The following SUGCT variants were observed in gnomAD, a reference collection of about 807,000 sequenced individuals.
SUGCT encodes the protein succinyl-CoA:glutarate-CoA transferase.
A neutral mutation model predicts 55.0 loss-of-function variants in SUGCT; 41 were observed. The observed-to-expected ratio is 0.74, with a 90% CI of 0.58 to 0.97. The LOEUF (loss-of-function observed/expected upper bound fraction) is 0.97. Among genes scored for constraint, SUGCT ranks in the 50% least tolerant of loss-of-function variants. SUGCT has a pLI of 0.00. For synonymous variants in SUGCT, 187 were observed against 200.4 expected, an observed-to-expected ratio of 0.93 and a Z score of 0.56; for missense variants, 568 against 547.8, an observed-to-expected ratio of 1.04 and a Z score of -0.37.
chr7:40,713,907 A>C (rs1190595614), intron 12 of SUGCT, among the ~76,000 whole-genome samples: 1 of 152,254 alleles, frequency 6.6e-6, no homozygotes, highest in Non-Finnish European at 1.5e-5. Context: ...TAACCACATT[A>C]GGGGACATCA....
At chr7:40,444,590 C>T (rs1401070348) in intron 9 of SUGCT, among the ~76,000 whole-genome samples, 1 of 152,146 alleles carries the variant, frequency 6.6e-6, no homozygotes, top group Non-Finnish European at 1.5e-5. Flanking sequence ...TGAGACTTTA[C>T]TGAAGTTTCT....
chr7:40,174,977 A>G (rs1313738999), intron 1 of SUGCT, among the ~76,000 whole-genome samples: 1 of 152,128 alleles, frequency 6.6e-6, no homozygotes, highest in Non-Finnish European at 1.5e-5. Context: ...TTGTGATAAT[A>G]TTCATCTTTT....
intron 12 of SUGCT, among the ~76,000 whole-genome samples, chr7:40,624,395 A>G (rs1799418042): frequency 6.6e-6 from 1 of 152,250 alleles, no homozygotes; most frequent in South Asian, 2.1e-4. Flanking sequence ...ACTCTGTGCT[A>G]GTCCTTTTTA....
At chr7:40,958,887 C>T in the SUGCT span, among the ~76,000 whole-genome samples, 32 of 152,198 alleles carry the variant, frequency 2.1e-4, no homozygotes, top group African/African-American at 7.2e-4. Context: ...GCTATTGCTT[C>T]CTGTTTGTTA....
intron 10 of SUGCT, among the ~76,000 whole-genome samples, chr7:40,452,976 G>C (rs1167392827): frequency 6.6e-6 from 1 of 152,162 alleles, no homozygotes; most frequent in Non-Finnish European, 1.5e-5. Flanking sequence ...AACTTAACCA[G>C]CTTTTCCCTC....
chr7:40,361,579 G>GA lies in SUGCT; in HGVS notation c.816+44732dup, dbSNP rs200600989. 8.9e-3 allele frequency among the ~76,000 whole-genome samples: 1,278 copies of GA among 143,912 alleles called. 10 individuals carry two copies. Among genetic ancestry groups the GA allele is most frequent in the Non-Finnish European group, 0.01 (655 of 64,638 alleles). The allele number at this position is 143,912 out of a possible 152,430, so 94.4% of individuals were successfully genotyped here. On this transcript the variant is annotated intron_variant, in intron 9 of 13. Coordinates refer to ENST00000335693, the MANE Select transcript of SUGCT (RefSeq NM_001193313.2). ...ACACAGCGAGACTCCATCTCAAAAA[G>GA]AAAAAAAAGAAAGAAAATTCAAACA...
intron 1 of SUGCT, among the ~76,000 whole-genome samples, chr7:40,168,137 C>T (rs1437472869): frequency 8.5e-5 from 13 of 152,262 alleles, no homozygotes; most frequent in South Asian, 4.1e-4. Context: ...TTAGAAGCCC[C>T]GTGTTTAAAG....
the SUGCT span, among the ~76,000 whole-genome samples, chr7:40,942,867 C>A: frequency 2.0e-5 from 3 of 151,980 alleles, no homozygotes; most frequent in African/African-American, 4.8e-5. Flanking sequence ...CTTTCCAGTA[C>A]ATTCTGTAAT....
chr7:40,380,433 A>G (rs9648486), intron 9 of SUGCT, among the ~76,000 whole-genome samples: 39,202 of 151,974 alleles, frequency 0.26, 6,111 homozygotes, highest in Non-Finnish European at 0.36. Flanking sequence ...GGATTTTCGG[A>G]GGTCTTTACC....
chr7:40,509,585 T>G (rs1792809797), intron 12 of SUGCT, among the ~76,000 whole-genome samples: 1 of 151,764 alleles, frequency 6.6e-6, no homozygotes, highest in Admixed American at 6.6e-5. Flanking sequence ...TAATTGAGGG[T>G]TTTTTTTACA....
chr7:40,553,851 C>T (rs1439234564), intron 12 of SUGCT, among the ~76,000 whole-genome samples: 3 of 152,208 alleles, frequency 2.0e-5, no homozygotes, highest in Non-Finnish European at 4.4e-5. Flanking sequence ...TGGGGCAGCC[C>T]TGCCCTGGGA....
At chr7:40,831,776 C>T (rs2128778621) in intron 13 of SUGCT, among the ~76,000 whole-genome samples, 1 of 152,302 alleles carries the variant, frequency 6.6e-6, no homozygotes. Context: ...ACTCTTCTTA[C>T]TATTCACCCC....
chr7:40,412,646 A>G (rs1017336676), intron 9 of SUGCT, among the ~76,000 whole-genome samples: 1 of 151,966 alleles, frequency 6.6e-6, no homozygotes, highest in African/African-American at 2.4e-5. Flanking sequence ...GGGCATTTTG[A>G]TATGTTCCTC....
At chr7:40,586,160 C>T (rs1004545476) in intron 12 of SUGCT, among the ~76,000 whole-genome samples, 8 of 152,034 alleles carry the variant, frequency 5.3e-5, no homozygotes, top group Non-Finnish European at 8.8e-5. Flanking sequence ...TCGATGTCTG[C>T]TAATTATTAG....
chr7:40,266,044 C>G (rs1259981215), intron 7 of SUGCT, among the ~76,000 whole-genome samples: 1 of 151,674 alleles, frequency 6.6e-6, no homozygotes, highest in Admixed American at 6.6e-5. Context: ...ATTGCATAAT[C>G]AAAAAAATAA....
chr7:40,528,694 A>G (rs1379320946), intron 12 of SUGCT, among the ~76,000 whole-genome samples: 1 of 152,218 alleles, frequency 6.6e-6, no homozygotes, highest in African/African-American at 2.4e-5. Flanking sequence ...TGATGTGGAT[A>G]TTTCAAGATA....
chr7:41,018,097 C>T, the SUGCT span, among the ~76,000 whole-genome samples: 2 of 151,906 alleles, frequency 1.3e-5, no homozygotes, highest in Non-Finnish European at 2.9e-5. Flanking sequence ...GATGGCTGAC[C>T]AGATCATCTT....
chr7:40,316,513 T>C (rs1795439747), intron 8 of SUGCT, among the ~76,000 whole-genome samples: 1 of 152,142 alleles, frequency 6.6e-6, no homozygotes, highest in East Asian at 1.9e-4. Context: ...AGATAATCTT[T>C]TTAGGGGTTG....
At chr7:40,358,427 A>C (rs2151215311) in intron 9 of SUGCT, among the ~76,000 whole-genome samples, 1 of 152,276 alleles carries the variant, frequency 6.6e-6, no homozygotes, top group East Asian at 1.9e-4. Context: ...AAAGTTATTC[A>C]GAGGGCCGGG....
Sources: allele counts gnomAD v4.1 joint callset (sites outside exome capture counted in the v4.1 genomes callset), GRCh38; gene constraint gnomAD v4.1.1; transcripts MANE v1.5; gene names NCBI Gene and HGNC (gene_info 2026-07-23, HGNC 2026-07-21).